TOLLIP: variants seen among roughly 807,000 people sequenced by gnomAD.
TOLLIP encodes the protein toll-interacting protein.
In TOLLIP, 16 loss-of-function variants were observed where a neutral mutation model predicts 33.5. The observed-to-expected ratio is 0.48, with a 90% CI of 0.32 to 0.72. The LOEUF is 0.72. Ranked by LOEUF, TOLLIP falls within the 30% of genes least tolerant of loss-of-function variation. The probability of loss-of-function intolerance (pLI) is 0.03; values close to 1 mark genes in which losing one functional copy is unlikely to be tolerated. For synonymous variants in TOLLIP, 176 were observed against 163.7 expected (o/e 1.07, Z -0.57); for missense variants, 325 against 396.6 (o/e 0.82, Z 1.53).
intron 4 of TOLLIP, among the ~76,000 whole-genome samples, chr11:1,287,149 G>A (rs981106260): frequency 1.3e-5 from 2 of 150,434 alleles, no homozygotes; most frequent in African/African-American, 2.5e-5. Flanking sequence ...TTCTGAGTTC[G>A]AAACTGTCAA....
chr11:1,307,677 T>C (rs1179132795), intron 1 of TOLLIP, among the ~76,000 whole-genome samples: 1 of 152,190 alleles, frequency 6.6e-6, no homozygotes, highest in African/African-American at 2.4e-5. Flanking sequence ...CTGAGTCTCC[T>C]GTTAGGCAGA....
chr11:1,284,843 C>T (rs1863634228), intron 5 of TOLLIP, among the ~76,000 whole-genome samples: 1 of 152,202 alleles, frequency 6.6e-6, no homozygotes, highest in South Asian at 2.1e-4. Context: ...ATGTCCTGAA[C>T]ACCAGTGGAC....
chr11:1,290,508 T>C lies in TOLLIP; in HGVS notation c.184-99A>G. On this transcript the variant is annotated intron_variant, in intron 2 of 5. Coordinates refer to ENST00000317204, the MANE Select transcript of TOLLIP (RefSeq NM_019009.4). The surrounding 1 kb of genome is among the most constrained non-coding windows in gnomAD (Gnocchi z 4.9). ...TCCCTGAACCCTTCCACGAGGCCTT[T>C]TCCTAACACATAGACTACAGCCACT... is the stretch of plus-strand genomic sequence containing the variant. 1 of 1,124,382 alleles carries C rather than the reference T, an allele frequency of 8.9e-7. No homozygotes were observed. The highest frequency in any genetic ancestry group is 1.3e-6 in the Non-Finnish European group (1 of 775,634). 69.7% of individuals were successfully genotyped at this position (1,124,382 alleles called of 1,614,324 possible).
chr11:1,291,996 T>C (rs1863970089), intron 2 of TOLLIP: 1 of 152,448 alleles, frequency 6.6e-6, no homozygotes, highest in Non-Finnish European at 1.5e-5. Flanking sequence ...CTTTCACTTC[T>C]AATCAAAGCT....
chr11:1,286,657 T>C (rs958027302), intron 4 of TOLLIP, among the ~76,000 whole-genome samples: 5 of 151,706 alleles, frequency 3.3e-5, no homozygotes, highest in Admixed American at 2.0e-4. Flanking sequence ...AACTGTCAAC[T>C]GTGGATAAGT....
chr11:1,295,753 C>A lies in TOLLIP; in HGVS notation c.75G>T (p.Thr25=), dbSNP rs772261080. 1 of 1,603,202 alleles carries A rather than the reference C, an allele frequency of 6.2e-7. No homozygotes were observed. Among genetic ancestry groups the A allele is most frequent in the South Asian group, 1.1e-5 (1 of 89,860 alleles). ...GGACCTGCCGCTGCTGCTGTGTGGGCGTGATGCGGAGGAAGTCCTGCGGGA... is the reference window on the plus strand; with the variant it reads ...GGACCTGCCGCTGCTGCTGTGTGGGAGTGATGCGGAGGAAGTCCTGCGGGA... The part of the protein sequence containing the change: ...GELPQDFLRI[T]PTQQQRQVQL... The change falls in exon 2 of 6, where the codon ACG becomes ACT. Residue 25 remains threonine (T), a synonymous_variant. Transcript: ENST00000317204.
intron 2 of TOLLIP, among the ~76,000 whole-genome samples, chr11:1,293,854 G>A (rs1417086131): frequency 1.3e-5 from 2 of 152,236 alleles, no homozygotes; most frequent in Non-Finnish European, 1.5e-5. Context: ...AGGAATGCAT[G>A]GGCTTACGGG....
chr11:1,285,816 A>G (rs1863673054), intron 5 of TOLLIP, among the ~76,000 whole-genome samples, 186 bp downstream of exon 5: 1 of 152,222 alleles, frequency 6.6e-6, no homozygotes, highest in Non-Finnish European at 1.5e-5. Flanking sequence ...TATGCAAACA[A>G]AATTCAAACG....
rs576114567 is a variant in TOLLIP, at chr11:1,293,704, C to T, written c.183+1941G>A. Among the ~76,000 whole-genome samples the T allele has an allele frequency of 1.0e-3, 153 of 152,368 alleles. 1 individual carries two copies. Among genetic ancestry groups the T allele is most frequent in the African/African-American group, 2.8e-3 (117 of 41,594 alleles). On this transcript the variant is annotated intron_variant, in intron 2 of 5. Coordinates refer to ENST00000317204, the MANE Select transcript of TOLLIP (RefSeq NM_019009.4). ...CAAGGGGGGCCAGAGGCGTGGGCAA[C>T]GCCAGGGCCACCTCCAAGGCCCAGC... is the stretch of plus-strand genomic sequence containing the variant.
At position 1,290,533 on chromosome 11, in the gene TOLLIP, T is replaced by C; in HGVS notation, c.184-124A>G. 1 of 857,500 alleles carries C rather than the reference T, an allele frequency of 1.2e-6. No homozygotes were observed. The highest frequency in any genetic ancestry group is 1.8e-6 in the Non-Finnish European group (1 of 553,786). 53.1% of individuals were successfully genotyped at this position (857,500 alleles called of 1,614,324 possible). ...TTCCTAACACATAGACTACAGCCAC[T>C]CAGAGTCGCCTGAACACGGCTGTGA... On this transcript the variant is annotated intron_variant, in intron 2 of 5. Transcript: ENST00000317204. The surrounding 1 kb of genome is among the most constrained non-coding windows in gnomAD (Gnocchi z 4.9).
chr11:1,309,251 G>C (rs1256324147), intron 1 of TOLLIP, among the ~76,000 whole-genome samples: 1 of 152,108 alleles, frequency 6.6e-6, no homozygotes, highest in Non-Finnish European at 1.5e-5. Flanking sequence ...ACGGCGGTGA[G>C]CTCAAGCCTC....
intron 1 of TOLLIP, chr11:1,302,635 C>A: frequency 1.0e-6 from 1 of 988,200 alleles, no homozygotes; most frequent in Middle Eastern, 5.2e-4. Context: ...ACGCTCCACA[C>A]CAGCCTCCTG....
chr11:1,309,532 G>C lies in TOLLIP; in HGVS notation c.-34C>G. 1 of 1,277,822 alleles carries C rather than the reference G, an allele frequency of 7.8e-7. No homozygotes were observed. Among genetic ancestry groups the C allele is most frequent in the Admixed American group, 3.3e-5 (1 of 29,882 alleles). 79.2% of individuals were successfully genotyped at this position (1,277,822 alleles called of 1,614,324 possible). A position where few individuals can be genotyped will look rare whatever the true frequency, so the allele number is the denominator to read the frequency against. On this transcript the variant is annotated 5_prime_UTR_variant, in exon 1 of 6. Coordinates refer to ENST00000317204, the MANE Select transcript of TOLLIP (RefSeq NM_019009.4). ...GGCGGCCCCCGTGGCTCGCCGACCC[G>C]ACAGTGACGCGCCGGGCGACCTCCT...
chr11:1,274,577 G>C lies in TOLLIP; in HGVS notation c.*2462C>G, dbSNP rs766211794. 1 of 150,058 alleles carries C rather than the reference G, an allele frequency of 6.7e-6. No homozygotes were observed. 9.3% of individuals were successfully genotyped at this position (150,058 alleles called of 1,614,324 possible). ...CCAGGGAGCATCTGCAGAGGGGAGA[G>C]GAGAGGAGGGGGAGCCTCCGGCGAC... On this transcript the variant is annotated 3_prime_UTR_variant, in exon 6 of 6. Coordinates refer to ENST00000317204, the MANE Select transcript of TOLLIP (RefSeq NM_019009.4).
At chr11:1,292,785 G>A (rs931926862) in intron 2 of TOLLIP, among the ~76,000 whole-genome samples, 5 of 152,242 alleles carry the variant, frequency 3.3e-5, no homozygotes, top group African/African-American at 4.8e-5. Flanking sequence ...CAAGAGATGC[G>A]CGGCAGACAC....
chr11:1,307,579 C>T (rs1362497391), intron 1 of TOLLIP, among the ~76,000 whole-genome samples: 1 of 152,248 alleles, frequency 6.6e-6, no homozygotes, highest in Non-Finnish European at 1.5e-5. Flanking sequence ...CCAGACCACA[C>T]AGCAAGGAAG....
At chr11:1,285,189 C>T (rs776256118) in intron 5 of TOLLIP, among the ~76,000 whole-genome samples, 15 of 152,202 alleles carry the variant, frequency 9.9e-5, no homozygotes, top group South Asian at 2.1e-4. Flanking sequence ...GCGCCCTGCC[C>T]GCAACTTGGC....
At chr11:1,299,352 C>T (rs1400618260) in intron 1 of TOLLIP, among the ~76,000 whole-genome samples, 1 of 152,180 alleles carries the variant, frequency 6.6e-6, no homozygotes, top group Non-Finnish European at 1.5e-5. Context: ...CGTTTCTCAA[C>T]TTAGAGCAAA....
intron 4 of TOLLIP, among the ~76,000 whole-genome samples, chr11:1,287,794 T>C (rs182004927): frequency 0.065 from 72 of 1,106 alleles, 16 homozygotes; most frequent in South Asian, 0.1. Context: ...GCACCCTCCC[T>C]GCCGCAGCCT....
Sources: allele counts gnomAD v4.1 joint callset (sites outside exome capture counted in the v4.1 genomes callset), GRCh38; gene constraint gnomAD v4.1.1; non-coding constraint Gnocchi (gnomAD v3.1); transcripts MANE v1.5; gene names NCBI Gene and HGNC (gene_info 2026-07-23, HGNC 2026-07-21).